The following SENP7 variants were observed in gnomAD, a reference collection of about 807,000 sequenced individuals.
SENP7 encodes the protein sentrin-specific protease 7.
Under a neutral mutation model 141.2 loss-of-function variants are expected in SENP7, and 64 were observed. The observed-to-expected ratio is 0.45, with a 90% CI of 0.37 to 0.56. The LOEUF is 0.56. SENP7 is among the 20% of genes least tolerant of loss of function. The probability of loss-of-function intolerance (pLI) is 0.00; values close to 1 mark genes in which losing one functional copy is unlikely to be tolerated. For missense variants in SENP7, 1,025 were observed against 1,212.2 expected (o/e 0.85, Z 2.29); for synonymous variants, 382 against 426.4 (o/e 0.90, Z 1.28).
chr3:101,486,259 C>T (rs2064723949), intron 3 of SENP7, among the ~76,000 whole-genome samples: 1 of 152,150 alleles, frequency 6.6e-6, no homozygotes, highest in African/African-American at 2.4e-5. Context: ...GTACAAAGAA[C>T]ACCTGGAAAT....
intron 6 of SENP7, among the ~76,000 whole-genome samples, chr3:101,396,773 T>C (rs2060979222): frequency 6.6e-6 from 1 of 152,232 alleles, no homozygotes; most frequent in Non-Finnish European, 1.5e-5. Flanking sequence ...GAGCTCATGG[T>C]ATAGCAGAGG....
intron 5 of SENP7, among the ~76,000 whole-genome samples, chr3:101,402,198 C>G (rs974615574): frequency 3.3e-5 from 5 of 152,150 alleles, no homozygotes; most frequent in African/African-American, 9.6e-5. Context: ...AATTCCATAC[C>G]TAGAAAGGAA....
chr3:101,468,313 A>G (rs2063839998), intron 3 of SENP7, among the ~76,000 whole-genome samples: 1 of 152,212 alleles, frequency 6.6e-6, no homozygotes, highest in Non-Finnish European at 1.5e-5. Flanking sequence ...AACTTCCCCA[A>G]CTTAGCAAGG....
intron 4 of SENP7, among the ~76,000 whole-genome samples, chr3:101,438,439 AT>A (rs1349594310): frequency 6.6e-6 from 1 of 152,168 alleles, no homozygotes; most frequent in Non-Finnish European, 1.5e-5. Flanking sequence ...ATGGGAATTT[AT>A]TTTTTTAATG....
chr3:101,490,196 C>CAAAA (rs2064908599), intron 3 of SENP7, among the ~76,000 whole-genome samples: 1 of 141,712 alleles, frequency 7.1e-6, no homozygotes, highest in Non-Finnish European at 1.5e-5. Flanking sequence ...AAAAAAAAAA[C>CAAAA]AAACAAACAA....
chr3:101,499,031 G>A (rs1370334363), intron 2 of SENP7, among the ~76,000 whole-genome samples: 32 of 152,200 alleles, frequency 2.1e-4, no homozygotes, highest in East Asian at 5.8e-4. Flanking sequence ...TAAATTCCTT[G>A]TTTTTTGTAA....
At position 101,482,076 on chromosome 3, in the gene SENP7, C is replaced by T. The variant is rs542221833; in HGVS notation, c.186+11797G>A. Reference sequence around the variant, plus strand: ...CTGTAATCCCAGCACTTTGGGATACCGAGGTGGGCAGATCATGAGGTCAGG... The same window carrying T: ...CTGTAATCCCAGCACTTTGGGATACTGAGGTGGGCAGATCATGAGGTCAGG... On this transcript the variant is annotated intron_variant, in intron 3 of 23. Coordinates refer to ENST00000394095, the MANE Select transcript of SENP7 (RefSeq NM_020654.5). 4.2e-4 allele frequency among the ~76,000 whole-genome samples: 64 copies of T among 152,038 alleles called. 3 individuals carry two copies. In the South Asian group the frequency reaches 0.013, roughly 32 times the overall value.
intron 5 of SENP7, among the ~76,000 whole-genome samples, chr3:101,408,131 C>A (rs1243532109): frequency 6.6e-6 from 1 of 151,976 alleles, no homozygotes; most frequent in South Asian, 2.1e-4. Flanking sequence ...TACAAAAGAT[C>A]ATTCAAGGCT....
intron 12 of SENP7, among the ~76,000 whole-genome samples, chr3:101,350,548 T>C (rs957284520): frequency 1.3e-5 from 2 of 152,032 alleles, no homozygotes; most frequent in Non-Finnish European, 2.9e-5. Context: ...TTTTCCACAA[T>C]CTGTAATAAA....
At chr3:101,428,786 A>G (rs978529351) in intron 4 of SENP7, among the ~76,000 whole-genome samples, 9 of 151,914 alleles carry the variant, frequency 5.9e-5, no homozygotes. Context: ...GTCCTGAATG[A>G]TATTGCCTAG....
At chr3:101,415,615 T>C (rs2061594208) in intron 5 of SENP7, among the ~76,000 whole-genome samples, 1 of 152,110 alleles carries the variant, frequency 6.6e-6, no homozygotes, top group Non-Finnish European at 1.5e-5. Flanking sequence ...CCCCCTGAAT[T>C]AACAGAGCAC....
intron 6 of SENP7, among the ~76,000 whole-genome samples, chr3:101,386,080 A>G (rs192515735): frequency 2.0e-5 from 3 of 152,346 alleles, no homozygotes; most frequent in Admixed American, 6.5e-5. Flanking sequence ...GAGGCTGACT[A>G]GAGGTATCTG....
chr3:101,385,781 T>C (rs1358505790), intron 6 of SENP7, among the ~76,000 whole-genome samples: 1 of 152,042 alleles, frequency 6.6e-6, no homozygotes, highest in Admixed American at 6.5e-5. Flanking sequence ...AGCTGACACA[T>C]CTAGAATTAT....
chr3:101,423,348 G>A (rs546994448), intron 4 of SENP7, among the ~76,000 whole-genome samples: 1 of 152,238 alleles, frequency 6.6e-6, no homozygotes, highest in Admixed American at 6.5e-5. Flanking sequence ...AAACCACAAA[G>A]AGATACTGCT....
intron 7 of SENP7, among the ~76,000 whole-genome samples, chr3:101,369,077 A>G (rs2060113761): frequency 6.6e-6 from 1 of 152,206 alleles, no homozygotes; most frequent in African/African-American, 2.4e-5. Flanking sequence ...TCAACAAGAC[A>G]TCATTTTGAA....
At chr3:101,455,712 T>C (rs2107858351) in intron 4 of SENP7, among the ~76,000 whole-genome samples, 1 of 152,306 alleles carries the variant, frequency 6.6e-6, no homozygotes. Context: ...TCTTGTGCTG[T>C]GAAGCAAATA....
chr3:101,332,175 G>A (rs1197483832), intron 18 of SENP7, 66 bp from the exon 19 acceptor site: 1 of 1,442,002 alleles, frequency 6.9e-7, no homozygotes, highest in South Asian at 1.3e-5. Context: ...ATATTCTAGA[G>A]ATACATCTGA....
intron 1 of SENP7, 116 bp downstream of exon 1, chr3:101,512,975 C>T: frequency 8.4e-7 from 1 of 1,191,780 alleles, no homozygotes. Context: ...CCCTTCCTCT[C>T]CCCGCCCCCG....
chr3:101,344,991 C>CAAAAAAAAAAAAAAAA (rs71132568), intron 13 of SENP7, among the ~76,000 whole-genome samples: 5 of 61,342 alleles, frequency 8.2e-5, no homozygotes, highest in Non-Finnish European at 1.1e-4. Flanking sequence ...AAAAAGAAAG[C>CAAAAAAAAAAAAAAAA]AAAAAAAAAA....
Sources: gnomAD v4.1 joint callset for allele counts (sites outside exome capture counted in the v4.1 genomes callset) on GRCh38, gnomAD v4.1.1 for gene constraint, MANE v1.5 for transcripts, NCBI Gene and HGNC (gene_info 2026-07-23, HGNC 2026-07-21) for gene names.